NSMCE1: variants seen among roughly 807,000 people sequenced by gnomAD.
NSMCE1 encodes the protein non-structural maintenance of chromosomes element 1 homolog.
Under a neutral mutation model 29.6 loss-of-function variants are expected in NSMCE1, and 18 were observed. The observed-to-expected ratio is 0.61, with a 90% CI of 0.42 to 0.90. The LOEUF (loss-of-function observed/expected upper bound fraction) is 0.90, where lower values mean the gene tolerates loss of function less well. Ranked by LOEUF, NSMCE1 falls within the 40% of genes least tolerant of loss-of-function variation. NSMCE1 has a pLI of 0.00. For synonymous variants in NSMCE1, 124 were observed against 133.4 expected, an observed-to-expected ratio of 0.93 and a Z score of 0.49; for missense variants, 314 against 343.6, an observed-to-expected ratio of 0.91 and a Z score of 0.68.
intron 1 of NSMCE1, among the ~76,000 whole-genome samples, chr16:27,260,373 T>C (rs1282788324): frequency 1.3e-5 from 2 of 151,644 alleles, no homozygotes; most frequent in African/African-American, 2.4e-5. Context: ...AAAAAACAAA[T>C]AGTGTATATA....
At chr16:27,251,159 A>T (rs1381937011) in intron 2 of NSMCE1, among the ~76,000 whole-genome samples, 7 of 65,780 alleles carry the variant, frequency 1.1e-4, no homozygotes, top group Admixed American at 3.4e-4. Flanking sequence ...AATTATTTAA[A>T]ATATATATAT....
chr16:27,236,007 T>C (rs1404365707), intron 2 of NSMCE1, among the ~76,000 whole-genome samples: 1 of 152,004 alleles, frequency 6.6e-6, no homozygotes, highest in Non-Finnish European at 1.5e-5. Flanking sequence ...TCGCCCAGAG[T>C]TGCACCACAA....
intron 2 of NSMCE1, among the ~76,000 whole-genome samples, chr16:27,243,535 C>T (rs1452271091): frequency 6.6e-6 from 1 of 152,220 alleles, no homozygotes; most frequent in Non-Finnish European, 1.5e-5. Flanking sequence ...ACCTCTAAGC[C>T]AGACCTGCAG....
chr16:27,233,568 C>A (rs1314717615), intron 4 of NSMCE1, among the ~76,000 whole-genome samples: 2 of 152,192 alleles, frequency 1.3e-5, no homozygotes, highest in Non-Finnish European at 2.9e-5. Context: ...AGGAATGATT[C>A]CACCGCCTGG....
intron 2 of NSMCE1, among the ~76,000 whole-genome samples, chr16:27,243,611 A>G (rs2083918478): frequency 6.6e-6 from 1 of 152,190 alleles, no homozygotes; most frequent in African/African-American, 2.4e-5. Flanking sequence ...ATGGCCCAAA[A>G]GGACCAAGGC....
rs1293726670 is a variant in NSMCE1, at chr16:27,233,120, C to T, written c.364G>A (p.Gly122Ser). The change falls in exon 5 of 8, where the codon GGC (glycine) becomes AGC (serine). Residue 122 changes from glycine (G) to serine (S), a missense_variant. Transcript: ENST00000361439. Reference protein sequence around the residue: ...ALELIIDSETGFASSTNILNL... With the variant: ...ALELIIDSETSFASSTNILNL... The stretch of plus-strand genomic sequence containing the variant: ...AATATGTTTGTGGAAGACGCAAAGC[C>T]GGTTTCTGAGTCAATAATCAGTTCC... 6.2e-6 allele frequency: 10 copies of T among 1,613,790 alleles called. No individual in the cohort carries two copies. Among genetic ancestry groups the T allele is most frequent in the African/African-American group, 1.3e-5 (1 of 74,988 alleles).
At chr16:27,254,517 G>C (rs1042963492) in intron 2 of NSMCE1, among the ~76,000 whole-genome samples, 1 of 152,188 alleles carries the variant, frequency 6.6e-6, no homozygotes, top group Non-Finnish European at 1.5e-5. Context: ...TTACAGTCAA[G>C]ACTCACAGGA....
chr16:27,234,989 C>T (rs1221910424), intron 3 of NSMCE1, among the ~76,000 whole-genome samples, 189 bp downstream of exon 3: 2 of 152,244 alleles, frequency 1.3e-5, no homozygotes, highest in East Asian at 3.8e-4. Context: ...AGTTTCTTTT[C>T]ATAGCTTCTA....
chr16:27,225,631 G>A, intron 7 of NSMCE1, 95 bp downstream of exon 7: 12 of 1,453,476 alleles, frequency 8.3e-6, no homozygotes, highest in Non-Finnish European at 1.1e-5. Context: ...ACACCCTGGA[G>A]CCCTTCAGGG....
At position 27,235,280 on chromosome 16, in the gene NSMCE1, C is replaced by T. The variant is rs1162810137; in HGVS notation, c.156G>A (p.Lys52=). Residue 52 remains lysine, a synonymous_variant, in exon 3 of 8, where the codon AAG becomes AAA. Transcript: ENST00000361439. ...KVHDRNATVD[K]LEDFINNINS... is the part of the protein sequence containing the mutation. ...TAATGTTGTTGATGAAGTCCTCCAACTTATCTACGGTGGCATTGCCTGGAA... is the reference window on the plus strand; with the variant it reads ...TAATGTTGTTGATGAAGTCCTCCAATTTATCTACGGTGGCATTGCCTGGAA... 1.2e-6 allele frequency: 2 copies of T among 1,613,776 alleles called. No homozygotes were observed. The highest frequency in any genetic ancestry group is 1.7e-6 in the Non-Finnish European group (2 of 1,179,930).
chr16:27,251,831 G>A (rs2084038803), intron 2 of NSMCE1, among the ~76,000 whole-genome samples: 1 of 152,152 alleles, frequency 6.6e-6, no homozygotes, highest in African/African-American at 2.4e-5. Flanking sequence ...ATCCTTGAGT[G>A]GAGGGGCACT....
intron 2 of NSMCE1, among the ~76,000 whole-genome samples, chr16:27,238,357 G>A (rs755487812): frequency 2.6e-5 from 4 of 151,914 alleles, no homozygotes; most frequent in South Asian, 2.1e-4. Flanking sequence ...GCAGCCTCCC[G>A]TACAGGCCTT....
chr16:27,262,681 G>A (rs954439950), intron 1 of NSMCE1, among the ~76,000 whole-genome samples: 2 of 152,238 alleles, frequency 1.3e-5, no homozygotes, highest in African/African-American at 4.8e-5. Flanking sequence ...ACACAGGAAC[G>A]GGCAAAGATC....
intron 1 of NSMCE1, among the ~76,000 whole-genome samples, chr16:27,260,687 C>T (rs1056652677): frequency 6.6e-6 from 1 of 151,810 alleles, no homozygotes; most frequent in Non-Finnish European, 1.5e-5. Context: ...GGCAAAATCC[C>T]ATCTCCACAA....
rs545828033 is a variant in NSMCE1, at chr16:27,238,556, A to C, written c.137-3257T>G. On this transcript the variant is annotated intron_variant, in intron 2 of 7. Transcript: ENST00000361439. ...TCGCCTTTTTTCTTTTTTTTTTTTTACAATTGTCTTTCTCTTACATTTGCG... is the reference window on the plus strand; with the variant it reads ...TCGCCTTTTTTCTTTTTTTTTTTTTCCAATTGTCTTTCTCTTACATTTGCG... Among the ~76,000 whole-genome samples, 541 of 142,624 alleles carry C rather than the reference A, an allele frequency of 3.8e-3. 3 individuals are homozygous for C. Among genetic ancestry groups the C allele is most frequent in the African/African-American group, 0.014 (521 of 37,904 alleles). The allele number at this position is 142,624 out of a possible 152,430, so 93.6% of individuals were successfully genotyped here. A position where few individuals can be genotyped will look rare whatever the true frequency, so the allele number is the denominator to read the frequency against.
intron 1 of NSMCE1, among the ~76,000 whole-genome samples, chr16:27,265,004 T>C (rs1027509635): frequency 6.6e-6 from 1 of 151,828 alleles, no homozygotes; most frequent in African/African-American, 2.4e-5. Flanking sequence ...GATGAATAAA[T>C]ACAGAAAAAA....
At chr16:27,257,267 A>T (rs2084097304) in intron 2 of NSMCE1, 168 bp downstream of exon 2, 2 of 515,994 alleles carry the variant, frequency 3.9e-6, no homozygotes, top group Non-Finnish European at 6.5e-6. Context: ...GAAAAAAAAT[A>T]AAAGTGGAAG....
intron 1 of NSMCE1, among the ~76,000 whole-genome samples, chr16:27,263,490 T>A (rs951413636): frequency 5.3e-5 from 8 of 152,142 alleles, no homozygotes; most frequent in African/African-American, 1.9e-4. Flanking sequence ...GGGAGTTAAA[T>A]GATGAAAACT....
chr16:27,237,372 T>C (rs967320412), intron 2 of NSMCE1, among the ~76,000 whole-genome samples: 1 of 152,144 alleles, frequency 6.6e-6, no homozygotes, highest in African/African-American at 2.4e-5. Context: ...GATGGCCTGT[T>C]TTTCCAGGAA....
Sources: allele counts gnomAD v4.1 joint callset (sites outside exome capture counted in the v4.1 genomes callset), GRCh38; gene constraint gnomAD v4.1.1; transcripts MANE v1.5; gene names NCBI Gene and HGNC (gene_info 2026-07-23, HGNC 2026-07-21).